Variants in CCNE1 observed in about 807,000 individuals in gnomAD.
CCNE1 encodes the protein G1/S-specific cyclin-E1.
Under a neutral mutation model 54.1 loss-of-function variants are expected in CCNE1, and 8 were observed. The ratio of observed to expected loss-of-function variants is 0.15; its 90% confidence interval spans 0.09 to 0.27. CCNE1 has a LOEUF of 0.27. Ranked by LOEUF, CCNE1 falls within the 10% of genes least tolerant of loss-of-function variation. The probability of loss-of-function intolerance (pLI) is 1.00; values close to 1 mark genes in which losing one functional copy is unlikely to be tolerated. For synonymous variants in CCNE1, 179 were observed against 185.2 expected (o/e 0.97, Z 0.27); for missense variants, 430 against 514.9 (o/e 0.84, Z 1.60).
intron 4 of CCNE1, among the ~76,000 whole-genome samples, chr19:29,815,645 G>GA (rs1267583022): frequency 0.015 from 2,121 of 141,506 alleles, 55 homozygotes; most frequent in African/African-American, 0.052. Flanking sequence ...TTTTTTGGGG[G>GA]GGGGACAGAG....
In CCNE1 at chr19:29,816,155, C is replaced by CAAAAAA. The variant is rs756490349; in HGVS notation, c.181-969_181-964dup. Among the ~76,000 whole-genome samples the CAAAAAA allele has an allele frequency of 4.8e-4, 35 of 73,218 alleles. 2 individuals are homozygous for CAAAAAA. Among genetic ancestry groups the CAAAAAA allele is most frequent in the East Asian group, 1.5e-3 (4 of 2,734 alleles). 48.0% of individuals were successfully genotyped at this position (73,218 alleles called of 152,430 possible). On this transcript the variant is annotated intron_variant, in intron 4 of 11. Transcript: ENST00000262643. The stretch of plus-strand genomic sequence containing the variant: ...TGGGGAACAGAGGGAGACCCTCTCT[C>CAAAAAA]AAAAAAAAAAAAAAAAAAGCCAAGT...
chr19:29,817,620 G>A, intron 6 of CCNE1, 79 bp downstream of exon 6: 4 of 1,465,058 alleles, frequency 2.7e-6, no homozygotes, highest in Non-Finnish European at 3.8e-6. Flanking sequence ...CCTCTGTGTG[G>A]TTTATTCCCT....
rs770472035 is a variant in CCNE1 at position 29,822,232 on chromosome 19, C to T, written c.841-8C>T. 3.7e-6 allele frequency: 6 copies of T among 1,612,416 alleles called. No homozygotes were observed. The South Asian group carries it at 6.6e-5, about 18-fold the overall frequency. On this transcript the variant is annotated splice_polypyrimidine_tract_variant and splice_region_variant and intron_variant, in intron 9 of 11. Transcript: ENST00000262643. ...GCATCCATCTCAGCGTTCTTTTCTT[C>T]TCCGTAGCTGTTGGATCTCTGTGTC...
At position 29,824,301 on chromosome 19, in the gene CCNE1, GTT is replaced by G. The variant is rs777341273; in HGVS notation, c.*528_*529del. The G allele has an allele frequency of 4.6e-6, 1 of 219,648 alleles. No homozygotes were observed. Among genetic ancestry groups the G allele is most frequent in the Non-Finnish European group, 9.1e-6 (1 of 109,934 alleles). 13.6% of individuals were successfully genotyped at this position (219,648 alleles called of 1,614,324 possible). A position where few individuals can be genotyped will look rare whatever the true frequency, so the allele number is the denominator to read the frequency against. On this transcript the variant is annotated 3_prime_UTR_variant, in exon 12 of 12. Transcript: ENST00000262643. ...TCCATTTTTTAATAAAGATAATACT[GTT>G]TTTGAGACAGCTGGTTTTATGAGCT...
At position 29,822,013 on chromosome 19, in the gene CCNE1, A is replaced by G. The variant is rs1366676009; in HGVS notation, c.723A>G (p.Leu241=). Residue 241 remains leucine, a synonymous_variant, in exon 9 of 12, where the codon TTA becomes TTG. Transcript: ENST00000262643. ...TCCTTTAGGCCCTTAAGTGGCGTTT[A>G]AGTCCCCTGACTATTGTGTCCTGGC... The part of the protein sequence containing the change: ...LMIMKALKWR[L]SPLTIVSWLN... The G allele has an allele frequency of 6.2e-7, 1 of 1,611,282 alleles. No homozygotes were observed. The highest frequency in any genetic ancestry group is 1.7e-5 in the Admixed American group (1 of 59,360).
At chr19:29,812,651 C>T (rs1220443099) in intron 2 of CCNE1, 38 bp from the exon 3 acceptor site, 19 of 1,560,474 alleles carry the variant, frequency 1.2e-5, no homozygotes, top group Admixed American at 7.8e-5. Context: ...GGGGCGGCCG[C>T]GGGTGCTCAC....
chr19:29,819,235 C>G (rs1431202412), intron 6 of CCNE1, among the ~76,000 whole-genome samples: 1 of 151,966 alleles, frequency 6.6e-6, no homozygotes, highest in African/African-American at 2.4e-5. Context: ...CCATGAGACT[C>G]TGTCTCAATT....
In CCNE1 at chr19:29,824,159, C is replaced by T. The variant is rs1044093704; in HGVS notation, c.*382C>T. On this transcript the variant is annotated 3_prime_UTR_variant, in exon 12 of 12. Transcript: ENST00000262643. ...TTGTACCAAGTGGAGCAGGTGGTTG[C>T]GGGCAAGCGTTGTGCAGAGCCCATA... 3.4e-5 allele frequency: 9 copies of T among 266,860 alleles called. No individual in the cohort carries two copies. The highest frequency in any genetic ancestry group is 3.0e-4 in the South Asian group (2 of 6,706). The allele number at this position is 266,860 out of a possible 1,614,324, so 16.5% of individuals were successfully genotyped here.
intron 1 of CCNE1, 62 bp from the exon 2 acceptor site, chr19:29,812,470 G>C (rs1973912399): frequency 1.8e-6 from 2 of 1,126,190 alleles, no homozygotes; most frequent in Admixed American, 9.4e-5. Flanking sequence ...CGCGCAAAGG[G>C]GGAAGGGGTA....
chr19:29,821,547 C>CT (rs35368977), intron 7 of CCNE1, among the ~76,000 whole-genome samples, 175 bp from the exon 8 acceptor site: 1,341 of 110,412 alleles, frequency 0.012, 10 homozygotes, highest in Non-Finnish European at 0.017. Context: ...GAGTTGTGTT[C>CT]TTTTTTTTTT....
chr19:29,818,011 G>T (rs1415610639), intron 6 of CCNE1, among the ~76,000 whole-genome samples: 1 of 145,618 alleles, frequency 6.9e-6, no homozygotes, highest in Non-Finnish European at 1.5e-5. Context: ...ACAGGCGCAC[G>T]CCATCACGCC....
intron 11 of CCNE1, 58 bp from the exon 12 acceptor site, chr19:29,823,597 T>C (rs1297441950): frequency 2.8e-6 from 4 of 1,444,636 alleles, no homozygotes; most frequent in Non-Finnish European, 3.7e-6. Context: ...CCTATGGTAA[T>C]TGAAGCCCAA....
intron 4 of CCNE1, among the ~76,000 whole-genome samples, chr19:29,816,749 C>T (rs1351511360): frequency 2.0e-5 from 3 of 151,968 alleles, no homozygotes; most frequent in Admixed American, 6.6e-5. Context: ...ATGTGCACAA[C>T]GTGCAGGTTA....
intron 4 of CCNE1, among the ~76,000 whole-genome samples, chr19:29,814,419 A>C (rs1167808472): frequency 6.6e-6 from 1 of 152,168 alleles, no homozygotes; most frequent in Non-Finnish European, 1.5e-5. Context: ...GCCTCCTGGG[A>C]CGGATTGTGG....
rs752441215 is a variant in CCNE1, at chr19:29,822,148, G to A, written c.840+18G>A. 1.4e-5 allele frequency: 22 copies of A among 1,611,840 alleles called. No individual in the cohort carries two copies. In the East Asian group the frequency reaches 1.6e-4, roughly 11 times the overall value. On this transcript the variant is annotated intron_variant, in intron 9 of 11. Coordinates refer to ENST00000262643, the MANE Select transcript of CCNE1 (RefSeq NM_001238.4). Reference sequence around the variant, plus strand: ...TTGCAGAGGTAAGTGGCTCCATCACGTCCGTGGGGCCACCTTCCCTGCAGC... The same window carrying A: ...TTGCAGAGGTAAGTGGCTCCATCACATCCGTGGGGCCACCTTCCCTGCAGC...
chr19:29,819,739 G>C (rs371751200), intron 6 of CCNE1, among the ~76,000 whole-genome samples: 40 of 152,350 alleles, frequency 2.6e-4, no homozygotes, highest in African/African-American at 9.4e-4. Context: ...ATAGTTTCTT[G>C]ATTAAGGGAA....
chr19:29,817,577 A>G, intron 6 of CCNE1, 36 bp downstream of exon 6: 1 of 1,613,470 alleles, frequency 6.2e-7, no homozygotes, highest in Non-Finnish European at 8.5e-7. Flanking sequence ...TCATGAAAGC[A>G]CTGAGCATTT....
In CCNE1 at chr19:29,822,236, G is replaced by A. The variant is rs530380804; in HGVS notation, c.841-4G>A. On this transcript the variant is annotated splice_polypyrimidine_tract_variant and splice_region_variant and intron_variant, in intron 9 of 11. Coordinates refer to ENST00000262643, the MANE Select transcript of CCNE1 (RefSeq NM_001238.4). ...CCATCTCAGCGTTCTTTTCTTCTCC[G>A]TAGCTGTTGGATCTCTGTGTCCTGG... is the stretch of plus-strand genomic sequence containing the variant. 3.5e-5 allele frequency: 57 copies of A among 1,612,756 alleles called. No individual in the cohort carries two copies. Among genetic ancestry groups the A allele is most frequent in the South Asian group, 1.8e-4 (16 of 91,064 alleles).
rs1974129882 is a variant in CCNE1 at position 29,820,789 on chromosome 19, G to A, written c.550G>A (p.Val184Ile). The A allele has an allele frequency of 2.5e-6, 4 of 1,607,736 alleles. No homozygotes were observed. Among genetic ancestry groups the A allele is most frequent in the African/African-American group, 1.3e-5 (1 of 74,842 alleles). The change falls in exon 7 of 12, where the codon GTA (valine) becomes ATA (isoleucine). Residue 184 changes from valine to isoleucine, a missense_variant. Coordinates refer to ENST00000262643, the MANE Select transcript of CCNE1 (RefSeq NM_001238.4). ...DRYMATQENV[V>I]KTLLQLIGIS... ...GTATATGGCGACACAAGAAAATGTT[G>A]TAAAAACTCTTTTACAGCTTATTGG...
Sources: gnomAD v4.1 joint callset for allele counts (sites outside exome capture counted in the v4.1 genomes callset) on GRCh38, gnomAD v4.1.1 for gene constraint, MANE v1.5 for transcripts, NCBI Gene and HGNC (gene_info 2026-07-23, HGNC 2026-07-21) for gene names.